Variants in ARHGAP12 observed in about 807,000 individuals in gnomAD.
ARHGAP12 encodes Rho GTPase activating protein 12, also known as rho GTPase-activating protein 12.
In ARHGAP12, 64 loss-of-function variants were observed where a neutral mutation model predicts 108.6. The ratio of observed to expected loss-of-function variants is 0.59; its 90% confidence interval spans 0.48 to 0.73. ARHGAP12 has a LOEUF of 0.73. Ranked by LOEUF, ARHGAP12 falls within the 30% of genes least tolerant of loss-of-function variation. The pLI, the probability that ARHGAP12 is intolerant of heterozygous loss-of-function variation, is 0.00. For missense variants in ARHGAP12, 940 were observed against 1,005.9 expected (o/e 0.93, Z 0.89); for synonymous variants, 312 against 337.2 (o/e 0.93, Z 0.82).
chr10:31,898,864 CAAAA>C (rs546260408), intron 3 of ARHGAP12, among the ~76,000 whole-genome samples: 1 of 148,042 alleles, frequency 6.8e-6, no homozygotes, highest in African/African-American at 2.5e-5. Context: ...CAACAACAAA[CAAAA>C]AAAAACACGT....
intron 3 of ARHGAP12, among the ~76,000 whole-genome samples, chr10:31,903,412 T>C (rs1165129634): frequency 6.6e-6 from 1 of 152,202 alleles, no homozygotes; most frequent in Non-Finnish European, 1.5e-5. Context: ...TGCATGACTG[T>C]ATACACACAC....
At chr10:31,915,731 A>C (rs1220540661) in intron 1 of ARHGAP12, among the ~76,000 whole-genome samples, 1 of 152,210 alleles carries the variant, frequency 6.6e-6, no homozygotes, top group East Asian at 1.9e-4. Context: ...TTTTTTAAAA[A>C]TGTGCTGAGA....
chr10:31,824,922 A>C (rs541576538), intron 11 of ARHGAP12, among the ~76,000 whole-genome samples: 1 of 152,286 alleles, frequency 6.6e-6, no homozygotes, highest in Admixed American at 6.5e-5. Flanking sequence ...GTAAATAGGA[A>C]GAAAGAAACA....
chr10:31,843,344 G>T, intron 7 of ARHGAP12, 117 bp downstream of exon 7: 1 of 1,169,542 alleles, frequency 8.6e-7, no homozygotes, highest in Non-Finnish European at 1.2e-6. Context: ...TAGTTCAAAA[G>T]AAATCAAATG....
At chr10:31,840,142 C>T (rs1319050930) in intron 7 of ARHGAP12, among the ~76,000 whole-genome samples, 1 of 151,480 alleles carries the variant, frequency 6.6e-6, no homozygotes, top group Admixed American at 6.6e-5. Flanking sequence ...TTAGCAAATG[C>T]CAGAATGAGA....
At chr10:31,918,811 G>A (rs1429647969) in intron 1 of ARHGAP12, among the ~76,000 whole-genome samples, 6 of 152,176 alleles carry the variant, frequency 3.9e-5, no homozygotes, top group Non-Finnish European at 7.3e-5. Context: ...CAGCCACTAG[G>A]GAAAATGGTA....
intron 3 of ARHGAP12, among the ~76,000 whole-genome samples, chr10:31,895,342 T>C (rs530340489): frequency 1.2e-4 from 19 of 152,260 alleles, no homozygotes; most frequent in Admixed American, 9.2e-4. Flanking sequence ...ATTTGTGCAA[T>C]CTACTTATCT....
At chr10:31,913,660 A>G in intron 1 of ARHGAP12, 1 of 154,068 alleles carries the variant, frequency 6.5e-6, no homozygotes, top group Non-Finnish European at 1.5e-5. Context: ...CGAGTCATCA[A>G]GGCTGAAAAA....
intron 3 of ARHGAP12, among the ~76,000 whole-genome samples, chr10:31,876,700 C>A (rs1837746557): frequency 6.6e-6 from 1 of 152,114 alleles, no homozygotes; most frequent in South Asian, 2.1e-4. Context: ...GTTCATATAA[C>A]CCCATCCCCA....
At chr10:31,839,990 A>C (rs573630770) in intron 7 of ARHGAP12, among the ~76,000 whole-genome samples, 3 of 152,138 alleles carry the variant, frequency 2.0e-5, no homozygotes, top group Non-Finnish European at 2.9e-5. Context: ...TAAAATCATG[A>C]TGTTATATCA....
intron 3 of ARHGAP12, among the ~76,000 whole-genome samples, chr10:31,895,520 T>C (rs1012738392): frequency 1.3e-5 from 2 of 152,138 alleles, no homozygotes; most frequent in African/African-American, 4.8e-5. Flanking sequence ...ATCAGAGAAA[T>C]GCAAATCAAA....
Position 31,882,166 on chromosome 10 carries a change from G to A in ARHGAP12, c.685-20508C>T, listed in dbSNP as rs909865439. Among the ~76,000 whole-genome samples the A allele has an allele frequency of 7.2e-5, 11 of 152,036 alleles. No individual in the cohort carries two copies. The East Asian group carries it at 9.7e-4, about 13-fold the overall frequency. ...CCTGACCTCGTGATCCGCCCGCCTCGGCCTCCCAAAGTGCTAGATGTTTTT... is the reference window on the plus strand; with the variant it reads ...CCTGACCTCGTGATCCGCCCGCCTCAGCCTCCCAAAGTGCTAGATGTTTTT... On this transcript the variant is annotated intron_variant, in intron 3 of 19. Transcript: ENST00000344936.
At chr10:31,875,002 A>AT (rs374858455) in intron 3 of ARHGAP12, among the ~76,000 whole-genome samples, 5 of 135,042 alleles carry the variant, frequency 3.7e-5, no homozygotes, top group African/African-American at 8.6e-5. Context: ...AAAAAAAAAA[A>AT]TTTTCACACA....
In ARHGAP12 at chr10:31,908,348, T is replaced by C. The variant is rs769448925; in HGVS notation, c.508A>G (p.Ser170Gly). The change falls in exon 3 of 20, where the codon AGC (serine) becomes GGC (glycine). Residue 170 changes from serine to glycine, a missense_variant. By Grantham distance (56) the Ser-to-Gly change is moderately conservative. Coordinates refer to ENST00000344936, the MANE Select transcript of ARHGAP12 (RefSeq NM_018287.7). ...CCAAATGAGCGTGTCCTATTCTGGC[T>C]GGAAACTTTAGGAGAATGTGAGTCA... ...NNDSHSPKVSSQNRTRSFGHF... is the reference protein window; with the variant it reads ...NNDSHSPKVSGQNRTRSFGHF... The C allele has an allele frequency of 6.2e-7, 1 of 1,614,228 alleles. No homozygotes were observed. Among genetic ancestry groups the C allele is most frequent in the East Asian group, 2.2e-5 (1 of 44,892 alleles).
At chr10:31,840,335 T>G (rs192994434) in intron 7 of ARHGAP12, among the ~76,000 whole-genome samples, 9 of 150,484 alleles carry the variant, frequency 6.0e-5, no homozygotes. Flanking sequence ...AAGAGTATCA[T>G]AAGACCAAAC....
At position 31,928,734 on chromosome 10, in the gene ARHGAP12, G is replaced by C. The variant is rs1423207263; in HGVS notation, c.-162C>G. ...CGGCTCCCTTCTTAGTCCGCCCCGC[G>C]GCTGCGGGTCGACGACGCGAGCCCG... On this transcript the variant is annotated 5_prime_UTR_variant, in exon 1 of 20. Coordinates refer to ENST00000344936, the MANE Select transcript of ARHGAP12 (RefSeq NM_018287.7). 6.6e-6 allele frequency: 1 copy of C among 151,830 alleles called. No homozygotes were observed. Among genetic ancestry groups the C allele is most frequent in the Non-Finnish European group, 1.5e-5 (1 of 67,932 alleles). The allele number at this position is 151,830 out of a possible 1,614,324, so 9.4% of individuals were successfully genotyped here.
At chr10:31,915,004 T>G (rs1346744042) in intron 1 of ARHGAP12, among the ~76,000 whole-genome samples, 1 of 152,156 alleles carries the variant, frequency 6.6e-6, no homozygotes, top group African/African-American at 2.4e-5. Context: ...ATGAACCCAG[T>G]GGACGTTACG....
At chr10:31,928,549 GC>G in intron 1 of ARHGAP12, 133 bp downstream of exon 1, 3 of 151,326 alleles carry the variant, frequency 2.0e-5, no homozygotes, top group Non-Finnish European at 4.4e-5. Context: ...CGCCGCCGCC[GC>G]CGCCGCGCCT....
intron 3 of ARHGAP12, among the ~76,000 whole-genome samples, chr10:31,867,396 G>GA (rs1837367170): frequency 3.3e-5 from 5 of 152,066 alleles, no homozygotes; most frequent in Admixed American, 6.5e-5. Context: ...AATTAACACT[G>GA]ATTGATTACC....
Sources: gnomAD v4.1 joint callset for allele counts (sites outside exome capture counted in the v4.1 genomes callset) on GRCh38, gnomAD v4.1.1 for gene constraint, MANE v1.5 for transcripts, NCBI Gene and HGNC (gene_info 2026-07-23, HGNC 2026-07-21) for gene names.